Variants in SNX24 observed in about 807,000 individuals in gnomAD.
SNX24 encodes sorting nexin-24.
SNX24 carries 22 observed loss-of-function variants against 28.7 expected under a neutral mutation model. The observed-to-expected ratio is 0.77, with a 90% confidence interval of 0.55 to 1.10. The LOEUF (loss-of-function observed/expected upper bound fraction) is 1.10, where lower values mean the gene tolerates loss of function less well. Ranked by LOEUF, SNX24 falls within the 50% of genes least tolerant of loss-of-function variation. SNX24 has a pLI of 0.00. For synonymous variants in SNX24, 69 were observed against 71.5 expected, an observed-to-expected ratio of 0.96 and a Z score of 0.18; for missense variants, 221 against 201.1, an observed-to-expected ratio of 1.10 and a Z score of -0.60.
At chr5:122,998,670 A>G (rs35858098) in intron 3 of SNX24, among the ~76,000 whole-genome samples, 33,862 of 152,106 alleles carry the variant, frequency 0.22, 4,810 homozygotes, top group Non-Finnish European at 0.33. Context: ...AGGACTGGCA[A>G]CCTGTATAGT....
chr5:123,014,465 C>T (rs753613465), intron 5 of SNX24, among the ~76,000 whole-genome samples: 8 of 146,576 alleles, frequency 5.5e-5, no homozygotes, highest in East Asian at 2.0e-4. Context: ...TATAGTTGTG[C>T]GGCCTATGTG....
At chr5:122,889,061 C>T (rs1185110833) in intron 1 of SNX24, among the ~76,000 whole-genome samples, 1 of 152,048 alleles carries the variant, frequency 6.6e-6, no homozygotes, top group Non-Finnish European at 1.5e-5. Flanking sequence ...CCATGTTGGC[C>T]CAGCTAGTCT....
chr5:122,889,687 G>GTATATA (rs1344112109), intron 1 of SNX24, among the ~76,000 whole-genome samples: 1 of 139,056 alleles, frequency 7.2e-6, no homozygotes, highest in Non-Finnish European at 1.5e-5. Flanking sequence ...GTATATATAT[G>GTATATA]TATATGTATG....
At chr5:122,967,125 A>T (rs1760744528) in intron 3 of SNX24, among the ~76,000 whole-genome samples, 2 of 152,192 alleles carry the variant, frequency 1.3e-5, no homozygotes, top group South Asian at 2.1e-4. Flanking sequence ...TTCTGATGGA[A>T]TCTTTTACCC....
chr5:123,006,173 C>T (rs446782), intron 6 of SNX24, among the ~76,000 whole-genome samples: 33,912 of 152,146 alleles, frequency 0.22, 4,828 homozygotes, highest in Non-Finnish European at 0.33. Flanking sequence ...CTTGTCACCA[C>T]ATTCTATCAC....
intron 1 of SNX24, among the ~76,000 whole-genome samples, chr5:122,904,512 T>C (rs916553415): frequency 7.2e-5 from 11 of 152,162 alleles, no homozygotes; most frequent in African/African-American, 2.7e-4. Flanking sequence ...CCTTTGTTTA[T>C]ATCTGGTCTT....
intron 1 of SNX24, among the ~76,000 whole-genome samples, chr5:122,928,387 G>A (rs566211450): frequency 6.6e-6 from 1 of 152,114 alleles, no homozygotes; most frequent in African/African-American, 2.4e-5. Flanking sequence ...CTTGGTAAAA[G>A]AGTTTAAAGT....
At chr5:122,933,031 C>G (rs1023623322) in intron 1 of SNX24, among the ~76,000 whole-genome samples, 2 of 151,916 alleles carry the variant, frequency 1.3e-5, no homozygotes, top group African/African-American at 4.8e-5. Flanking sequence ...TTAATTTTAC[C>G]TTGTTGGGTT....
intron 1 of SNX24, among the ~76,000 whole-genome samples, chr5:122,848,099 TTG>T (rs1048546618): frequency 5.8e-4 from 89 of 152,260 alleles, no homozygotes; most frequent in African/African-American, 1.9e-3. Flanking sequence ...GCGATTATGT[TTG>T]TGTGAATGTG....
At chr5:122,894,311 TAC>T (rs889522076) in intron 1 of SNX24, among the ~76,000 whole-genome samples, 77 of 152,306 alleles carry the variant, frequency 5.1e-4, no homozygotes, top group African/African-American at 1.7e-3. Context: ...TGCACACACA[TAC>T]ACACACGCTT....
chr5:122,906,224 AG>A (rs1757640972), intron 1 of SNX24, among the ~76,000 whole-genome samples: 1 of 152,212 alleles, frequency 6.6e-6, no homozygotes, highest in South Asian at 2.1e-4. Context: ...GGGAACAGCC[AG>A]GGCAGTGGTC....
At chr5:122,957,214 A>G (rs1461784174) in intron 3 of SNX24, among the ~76,000 whole-genome samples, 1 of 152,192 alleles carries the variant, frequency 6.6e-6, no homozygotes, top group South Asian at 2.1e-4. Flanking sequence ...GTAAGGATCC[A>G]GTTTCATTCT....
intron 2 of SNX24, among the ~76,000 whole-genome samples, chr5:122,942,224 G>A (rs1759480385): frequency 6.6e-6 from 1 of 152,110 alleles, no homozygotes; most frequent in African/African-American, 2.4e-5. Context: ...ATATGGTGCT[G>A]GTTCATTTTT....
At chr5:122,964,541 T>C (rs1018701405) in intron 3 of SNX24, among the ~76,000 whole-genome samples, 7 of 152,148 alleles carry the variant, frequency 4.6e-5, no homozygotes, top group Non-Finnish European at 7.4e-5. Flanking sequence ...ATATCATCTA[T>C]AATGCTTTGT....
intron 6 of SNX24, 134 bp from the exon 7 acceptor site, chr5:123,007,548 A>C: frequency 1.2e-6 from 1 of 810,012 alleles, no homozygotes; most frequent in South Asian, 1.6e-5. Flanking sequence ...AACCAGGCAC[A>C]TGCCTGGCGA....
intron 1 of SNX24, among the ~76,000 whole-genome samples, chr5:122,871,093 C>T (rs192215643): frequency 6.6e-6 from 1 of 152,294 alleles, no homozygotes; most frequent in Admixed American, 6.5e-5. Context: ...AGAACTACTG[C>T]ACTGAAGATG....
At chr5:122,952,416 GC>G (rs571198357) in intron 3 of SNX24, among the ~76,000 whole-genome samples, 300 of 152,212 alleles carry the variant, frequency 2.0e-3, no homozygotes, top group Non-Finnish European at 3.1e-3. Context: ...GGATAGTAGG[GC>G]CCCCAAGTTA....
At chr5:122,967,756 T>C (rs1332831373) in intron 3 of SNX24, among the ~76,000 whole-genome samples, 1 of 152,138 alleles carries the variant, frequency 6.6e-6, no homozygotes, top group Non-Finnish European at 1.5e-5. Flanking sequence ...ATGAGTTATA[T>C]TATCTGCATT....
intron 1 of SNX24, among the ~76,000 whole-genome samples, chr5:122,929,875 CT>C (rs1014217899): frequency 2.7e-5 from 4 of 150,208 alleles, no homozygotes; most frequent in African/African-American, 4.9e-5. Context: ...TTGTGAATTC[CT>C]TTTTTTTTCT....
Sources: allele counts gnomAD v4.1 joint callset (sites outside exome capture counted in the v4.1 genomes callset), GRCh38; gene constraint gnomAD v4.1.1; transcripts MANE v1.5; gene names NCBI Gene and HGNC (gene_info 2026-07-23, HGNC 2026-07-21).